The following CACNA1S variants were observed in gnomAD, a reference collection of about 807,000 sequenced individuals.
The protein encoded by CACNA1S is calcium voltage-gated channel subunit alpha1 S.
In CACNA1S, 126 loss-of-function variants were observed where a neutral mutation model predicts 207.4. The observed-to-expected ratio is 0.61, with a 90% CI of 0.53 to 0.70. The LOEUF is 0.70. Among genes scored for constraint, CACNA1S ranks in the 30% least tolerant of loss-of-function variants. The pLI is 0.00. For missense variants in CACNA1S, 2,349 were observed against 2,422.8 expected (o/e 0.97, Z 0.64); for synonymous variants, 960 against 932.7 (o/e 1.03, Z -0.53).
chr1:201,052,233 C>T (rs559907820), intron 32 of CACNA1S, among the ~76,000 whole-genome samples: 4 of 152,308 alleles, frequency 2.6e-5, no homozygotes, highest in African/African-American at 7.2e-5. Flanking sequence ...CTGGGAGCGA[C>T]GAGGGCAAAT....
intron 17 of CACNA1S, 40 bp downstream of exon 17, chr1:201,070,232 G>A (rs373130020): frequency 2.5e-6 from 4 of 1,611,910 alleles, no homozygotes; most frequent in Non-Finnish European, 3.4e-6. Flanking sequence ...GCAGATGAGA[G>A]CCGCATCAAT....
Position 201,066,066 on chromosome 1 carries a change from G to A in CACNA1S, c.2746-121C>T. The A allele has an allele frequency of 1.1e-6, 1 of 933,582 alleles. No individual in the cohort carries two copies. The highest frequency in any genetic ancestry group is 1.4e-5 in the South Asian group (1 of 72,122). The allele number at this position is 933,582 out of a possible 1,614,324, so 57.8% of individuals were successfully genotyped here. A position where few individuals can be genotyped will look rare whatever the true frequency, so the allele number is the denominator to read the frequency against. On this transcript the variant is annotated intron_variant, in intron 21 of 43. Coordinates refer to ENST00000362061, the MANE Select transcript of CACNA1S (RefSeq NM_000069.3). This position sits in a 1 kb window ranked among gnomAD's most constrained non-coding sequence, Gnocchi z 4.3. Reference sequence around the variant, plus strand: ...CCTGATGAGTTGGAGGTGGGGAAAGGCTGGTGGGGAAGCATAGCTACCCCA... The same window carrying A: ...CCTGATGAGTTGGAGGTGGGGAAAGACTGGTGGGGAAGCATAGCTACCCCA...
chr1:201,054,723 C>A, intron 28 of CACNA1S, among the ~76,000 whole-genome samples, 162 bp from the exon 29 acceptor site: 1 of 6,430 alleles, frequency 1.6e-4, no homozygotes, highest in Non-Finnish European at 2.7e-4. Flanking sequence ...CAATCAGGGG[C>A]GGGGTGGGTG....
At position 201,053,637 on chromosome 1, in the gene CACNA1S, G is replaced by T. The variant is rs750727004; in HGVS notation, c.3667-50C>A. 3.8e-6 allele frequency: 6 copies of T among 1,595,714 alleles called. No individual in the cohort carries two copies. In the East Asian group the frequency reaches 9.0e-5, roughly 24 times the overall value. On this transcript the variant is annotated intron_variant, in intron 29 of 43. Coordinates refer to ENST00000362061, the MANE Select transcript of CACNA1S (RefSeq NM_000069.3). The surrounding 1 kb of genome is among the most constrained non-coding windows in gnomAD (Gnocchi z 5.1). Reference sequence around the variant, plus strand: ...CAGTCTGGGGGCAGAACCTCAGAGGGGTAAGGGGCAGGGCGGGGAGGGAGG... The same window carrying T: ...CAGTCTGGGGGCAGAACCTCAGAGGTGTAAGGGGCAGGGCGGGGAGGGAGG...
intron 2 of CACNA1S, among the ~76,000 whole-genome samples, chr1:201,103,294 T>C (rs866047075): frequency 4.6e-5 from 7 of 150,566 alleles, no homozygotes; most frequent in South Asian, 2.1e-4. Context: ...TGTTCACAGA[T>C]GAGGTAATGG....
chr1:201,078,022 G>C lies in CACNA1S; in HGVS notation c.1476C>G (p.Phe492Leu), dbSNP rs1399013732. 1 of 1,614,216 alleles carries C rather than the reference G, an allele frequency of 6.2e-7. No homozygotes were observed. The highest frequency in any genetic ancestry group is 8.5e-7 in the Non-Finnish European group (1 of 1,180,012). ...AGTCGAAGCGGTTGAAGATAGACATGAAGTACTGGCGCAGGCCCAGCCCGT... is the reference window on the plus strand; with the variant it reads ...AGTCGAAGCGGTTGAAGATAGACATCAAGTACTGGCGCAGGCCCAGCCCGT... Reference protein sequence around the residue: ...KMYGLGLRQYFMSIFNRFDCF... With the variant: ...KMYGLGLRQYLMSIFNRFDCF... The change falls in exon 11 of 44, where the codon TTC becomes TTG. Residue 492 changes from phenylalanine (F) to leucine (L), a missense_variant. Physicochemically the swap from Phe to Leu is conservative, Grantham distance 22. Coordinates refer to ENST00000362061, the MANE Select transcript of CACNA1S (RefSeq NM_000069.3).
In CACNA1S at chr1:201,058,472, CAGGG is replaced by C; in HGVS notation, c.3541_3544del (p.Pro1181GlyfsTer7). ...GACAATCAGGAAGTCAAACACATTC[CAGGG>C]GTCTCCAAAGTAGCCCTGGGAAGGA... On this transcript the variant is annotated frameshift_variant, in exon 28 of 44. Coordinates refer to ENST00000362061, the MANE Select transcript of CACNA1S (RefSeq NM_000069.3). LOFTEE classifies it high-confidence loss of function. 1 of 1,614,076 alleles carries C rather than the reference CAGGG, an allele frequency of 6.2e-7. No homozygotes were observed. The highest frequency in any genetic ancestry group is 1.1e-5 in the South Asian group (1 of 91,072).
At chr1:201,042,308 G>A (rs1001145865) in intron 40 of CACNA1S, among the ~76,000 whole-genome samples, 7 of 151,944 alleles carry the variant, frequency 4.6e-5, no homozygotes, top group Non-Finnish European at 2.9e-5. Flanking sequence ...CTAATTTTTT[G>A]TGTGTTTTTA....
At chr1:201,095,362 C>T (rs911447269) in intron 2 of CACNA1S, among the ~76,000 whole-genome samples, 1 of 152,090 alleles carries the variant, frequency 6.6e-6, no homozygotes, top group African/African-American at 2.4e-5. Context: ...ACTGCGGAGG[C>T]GTCATTCATA....
chr1:201,054,219 A>G (rs988462575), intron 29 of CACNA1S, among the ~76,000 whole-genome samples: 6 of 152,184 alleles, frequency 3.9e-5, no homozygotes, highest in South Asian at 4.1e-4. Context: ...TTTGCCAGCG[A>G]TCACAGTTCT....
At chr1:201,097,711 A>G (rs549918611) in intron 2 of CACNA1S, among the ~76,000 whole-genome samples, 155 of 152,214 alleles carry the variant, frequency 1.0e-3, no homozygotes, top group Admixed American at 2.4e-3. Flanking sequence ...CCCATCAGTA[A>G]TAGCATTTGG....
At chr1:201,088,054 A>T in intron 6 of CACNA1S, 125 bp from the exon 7 acceptor site, 2 of 721,904 alleles carry the variant, frequency 2.8e-6, no homozygotes, top group Non-Finnish European at 5.1e-6. Flanking sequence ...TATTGAGGGG[A>T]CATTTTTCCT....
At chr1:201,101,788 C>T (rs146256280) in intron 2 of CACNA1S, among the ~76,000 whole-genome samples, 6 of 152,206 alleles carry the variant, frequency 3.9e-5, no homozygotes, top group South Asian at 4.1e-4. Context: ...TGGCCAGCCC[C>T]GATGGCCCTT....
At position 201,091,752 on chromosome 1, in the gene CACNA1S, G is replaced by T. The variant is rs1333426227; in HGVS notation, c.582C>A (p.Leu194=). 1 of 1,614,132 alleles carries T rather than the reference G, an allele frequency of 6.2e-7. No individual in the cohort carries two copies. Among genetic ancestry groups the T allele is most frequent in the African/African-American group, 1.3e-5 (1 of 75,070 alleles). Residue 194 remains leucine, a synonymous_variant, in exon 5 of 44, where the codon CTC becomes CTA. Coordinates refer to ENST00000362061, the MANE Select transcript of CACNA1S (RefSeq NM_000069.3). The part of the protein sequence containing the change: ...VVLNSIFKAM[L]PLFHIALLVL... ...CCAGCAGGGCGATGTGAAAGAGGGG[G>T]AGCATGGCCTTGAAGATGGAGTTCA...
At chr1:201,060,562 TG>T (rs1661006953) in intron 26 of CACNA1S, 95 bp downstream of exon 26, 8 of 1,329,962 alleles carry the variant, frequency 6.0e-6, no homozygotes, top group Middle Eastern at 2.1e-4. Context: ...AAATGTCTAC[TG>T]GGGGGAATCC....
intron 2 of CACNA1S, among the ~76,000 whole-genome samples, chr1:201,096,094 A>T (rs1662416203): frequency 6.6e-6 from 1 of 152,194 alleles, no homozygotes; most frequent in Non-Finnish European, 1.5e-5. Flanking sequence ...CCAGCCATGA[A>T]CACCGGAGAA....
chr1:201,065,747 C>G, intron 22 of CACNA1S, 91 bp downstream of exon 22: 1 of 842,796 alleles, frequency 1.2e-6, no homozygotes, highest in South Asian at 1.4e-5. Flanking sequence ...TCGAAGACAT[C>G]TGTTTTCACA....
At chr1:201,089,487 C>T (rs778694489) in intron 5 of CACNA1S, 24 bp from the exon 6 acceptor site, 18 of 1,610,044 alleles carry the variant, frequency 1.1e-5, no homozygotes, top group Non-Finnish European at 1.5e-5. Flanking sequence ...GCAAAGGGAA[C>T]ATCAGACAAC....
rs1163245571 is a variant in CACNA1S at position 201,066,934 on chromosome 1, C to A, written c.2610G>T (p.Met870Ile). ...KGSFCRNYFN[M>I]LDLLVVAVSL... The stretch of plus-strand genomic sequence containing the variant: ...ACACGGCCACCACCAGCAGGTCCAG[C>A]ATGTTGAAGTAATTGCGGCAGAAGG... The change falls in exon 20 of 44, where the codon ATG becomes ATT. Residue 870 changes from methionine to isoleucine, a missense_variant. Transcript: ENST00000362061. This position sits in a 1 kb window ranked among gnomAD's most constrained non-coding sequence, Gnocchi z 4.3. The A allele has an allele frequency of 6.2e-7, 1 of 1,614,078 alleles. No individual in the cohort carries two copies. Among genetic ancestry groups the A allele is most frequent in the Non-Finnish European group, 8.5e-7 (1 of 1,180,028 alleles).
Sources: gnomAD v4.1 joint callset for allele counts (sites outside exome capture counted in the v4.1 genomes callset) on GRCh38, gnomAD v4.1.1 for gene constraint, Gnocchi (gnomAD v3.1) non-coding constraint, MANE v1.5 for transcripts, NCBI Gene and HGNC (gene_info 2026-07-23, HGNC 2026-07-21) for gene names.